SOX5: variants seen among roughly 807,000 people sequenced by gnomAD.
SOX5 encodes SRY-box transcription factor 5.
In SOX5, 9 loss-of-function variants were observed where a neutral mutation model predicts 92.0. The ratio of observed to expected loss-of-function variants is 0.10; its 90% CI spans 0.06 to 0.17. The LOEUF (loss-of-function observed/expected upper bound fraction) is 0.17. Ranked by LOEUF, SOX5 falls within the 10% of genes least tolerant of loss-of-function variation. SOX5 has a pLI of 1.00. For missense variants in SOX5, 642 were observed against 944.5 expected (o/e 0.68, Z 4.20); for synonymous variants, 344 against 336.3 (o/e 1.02, Z -0.25).
chr12:24,076,976 C>T (rs956760857), intron 4 of SOX5, among the ~76,000 whole-genome samples: 2 of 152,072 alleles, frequency 1.3e-5, no homozygotes, highest in African/African-American at 4.8e-5. Context: ...ACAGTTATAT[C>T]GTTTCCTTCA....
intron 3 of SOX5, among the ~76,000 whole-genome samples, chr12:23,782,062 C>T (rs1185918197): frequency 6.6e-6 from 1 of 151,840 alleles, no homozygotes; most frequent in Non-Finnish European, 1.5e-5. Context: ...TAGAAGCATG[C>T]AACAAATGTG....
intron 4 of SOX5, among the ~76,000 whole-genome samples, chr12:23,742,534 T>A (rs1031397577): frequency 6.6e-6 from 1 of 152,162 alleles, no homozygotes; most frequent in Non-Finnish European, 1.5e-5. Context: ...CTTGGGAAGA[T>A]TTTCTTAATG....
chr12:24,517,694 T>C (rs1421547917), intron 1 of SOX5, among the ~76,000 whole-genome samples: 2 of 123,058 alleles, frequency 1.6e-5, no homozygotes, highest in East Asian at 3.2e-4. Flanking sequence ...AAAACATAAT[T>C]AATTCCATGT....
chr12:23,843,405 A>C (rs1184194578), intron 3 of SOX5, among the ~76,000 whole-genome samples: 1 of 152,112 alleles, frequency 6.6e-6, no homozygotes, highest in Non-Finnish European at 1.5e-5. Flanking sequence ...AAGAGAGGAG[A>C]CTGTATACGG....
At chr12:24,041,525 C>T (rs1381332513) in intron 4 of SOX5, among the ~76,000 whole-genome samples, 1 of 152,114 alleles carries the variant, frequency 6.6e-6, no homozygotes. Context: ...CAATATAATA[C>T]CATAACTACA....
intron 1 of SOX5, among the ~76,000 whole-genome samples, chr12:24,405,956 T>A (rs1962844290): frequency 6.6e-6 from 1 of 151,974 alleles, no homozygotes; most frequent in African/African-American, 2.4e-5. Context: ...TCCATAGGTC[T>A]TTAGAGAGGC....
At chr12:24,174,404 A>C (rs1249192944) in intron 4 of SOX5, among the ~76,000 whole-genome samples, 1 of 152,164 alleles carries the variant, frequency 6.6e-6, no homozygotes, top group Non-Finnish European at 1.5e-5. Context: ...TTACTATGCC[A>C]TTTCTAGCAG....
chr12:23,945,057 TA>T (rs1336621275), intron 1 of SOX5, among the ~76,000 whole-genome samples: 1 of 152,144 alleles, frequency 6.6e-6, no homozygotes, highest in Non-Finnish European at 1.5e-5. Context: ...ACATCTGCAT[TA>T]CACAATATAC....
chr12:24,551,495 C>G (rs1408694468), intron 1 of SOX5, among the ~76,000 whole-genome samples: 3 of 152,150 alleles, frequency 2.0e-5, no homozygotes, highest in Non-Finnish European at 4.4e-5. Flanking sequence ...TTTTGTATAA[C>G]GTAAATGCTT....
intron 4 of SOX5, among the ~76,000 whole-genome samples, chr12:24,123,132 A>T (rs1948788740): frequency 6.6e-6 from 1 of 152,244 alleles, no homozygotes; most frequent in Non-Finnish European, 1.5e-5. Context: ...CCTCTGATAC[A>T]TGCATGATCT....
At chr12:24,449,136 T>C in intron 1 of SOX5, among the ~76,000 whole-genome samples, 1 of 152,130 alleles carries the variant, frequency 6.6e-6, no homozygotes, top group South Asian at 2.1e-4. Context: ...TTCCTGTAAT[T>C]TATCATTCAC....
At chr12:23,605,506 C>G (rs979262394) in intron 8 of SOX5, among the ~76,000 whole-genome samples, 2 of 150,646 alleles carry the variant, frequency 1.3e-5, no homozygotes, top group African/African-American at 4.8e-5. Flanking sequence ...CACACACACA[C>G]ACATCCCAGT....
At chr12:24,029,516 C>A (rs761417122) in intron 4 of SOX5, among the ~76,000 whole-genome samples, 1 of 151,738 alleles carries the variant, frequency 6.6e-6, no homozygotes. Context: ...CTCAAGCGAT[C>A]CCCCCACTTC....
At chr12:23,811,806 T>TA (rs2095879578) in intron 3 of SOX5, among the ~76,000 whole-genome samples, 1 of 152,106 alleles carries the variant, frequency 6.6e-6, no homozygotes, top group Admixed American at 6.6e-5. Context: ...TCCTATTTCA[T>TA]AAAAATAAGT....
chr12:24,449,532 G>A lies in SOX5; in HGVS notation c.-250-80893C>T, dbSNP rs116869506. Among the ~76,000 whole-genome samples the A allele has an allele frequency of 3.1e-4, 47 of 152,266 alleles. 1 individual carries two copies. In the East Asian group the frequency reaches 8.5e-3, roughly 27 times the overall value. ...AGTTACCGCTCGTTGACATTTTCAT[G>A]TCGCTTTGTGTTGCTTTTGTCTGTG... On this transcript the variant is annotated intron_variant, in intron 1 of 4. Transcript: ENST00000446891.
intron 3 of SOX5, among the ~76,000 whole-genome samples, chr12:24,267,497 T>A (rs1045076530): frequency 6.6e-6 from 1 of 152,176 alleles, no homozygotes; most frequent in African/African-American, 2.4e-5. Context: ...CACTTTAACC[T>A]CACTTATGTA....
chr12:24,006,544 T>C (rs1952184439), intron 4 of SOX5, among the ~76,000 whole-genome samples: 1 of 152,096 alleles, frequency 6.6e-6, no homozygotes, highest in Admixed American at 6.6e-5. Context: ...TTTACAGAGA[T>C]CACAAGTTGT....
intron 2 of SOX5, among the ~76,000 whole-genome samples, chr12:23,859,249 G>A (rs570667248): frequency 2.6e-5 from 4 of 152,256 alleles, no homozygotes; most frequent in Non-Finnish European, 4.4e-5. Context: ...ATATGAGTAG[G>A]AGAACTATCA....
In SOX5 at chr12:24,166,798, G is replaced by C. The variant is rs1013798606; in HGVS notation, c.-2+46545C>G. Among the ~76,000 whole-genome samples the C allele has an allele frequency of 2.0e-5, 3 of 152,028 alleles. No homozygotes were observed. In the East Asian group the frequency reaches 5.8e-4, roughly 29 times the overall value. On this transcript the variant is annotated intron_variant, in intron 4 of 4. Coordinates refer to the SOX5 transcript ENST00000446891. Reference sequence around the variant, plus strand: ...CTCTTTGTTTACTCATTCCTCCCTTGGTAAATATTAGATGATTTCTACTTT... The same window carrying C: ...CTCTTTGTTTACTCATTCCTCCCTTCGTAAATATTAGATGATTTCTACTTT...
Sources: allele counts gnomAD v4.1 joint callset (sites outside exome capture counted in the v4.1 genomes callset), GRCh38; gene constraint gnomAD v4.1.1; transcripts MANE v1.5; gene names NCBI Gene and HGNC (gene_info 2026-07-23, HGNC 2026-07-21).